The following SEPTIN6 variants were observed in gnomAD, a reference collection of about 807,000 sequenced individuals.
SEPTIN6 encodes septin-6.
In SEPTIN6, 8 loss-of-function variants were observed where a neutral mutation model predicts 33.6. The ratio of observed to expected loss-of-function variants is 0.24; its 90% CI spans 0.14 to 0.43. The LOEUF (loss-of-function observed/expected upper bound fraction) is 0.43. Ranked by LOEUF, SEPTIN6 falls within the 20% of genes least tolerant of loss-of-function variation. The probability of loss-of-function intolerance (pLI) is 1.00; values close to 1 mark genes in which losing one functional copy is unlikely to be tolerated. For synonymous variants in SEPTIN6, 131 were observed against 140.0 expected (o/e 0.94, Z 0.45); for missense variants, 250 against 340.8 (o/e 0.73, Z 2.10).
In SEPTIN6 at chrX:119,637,161, C is replaced by T. The variant is rs537231281; in HGVS notation, c.822G>A (p.Leu274=). Residue 274 remains leucine, a synonymous_variant, in exon 7 of 11, where the codon CTG becomes CTA. Transcript: ENST00000394610. ...ENEAHCDFVK[L]REMLIRVNME... is the part of the protein sequence containing the mutation. ...TGTTGACCCGAATCAGCATCTCCCG[C>T]AGCTTCACAAAGTCGCAGTGGGCCT... The T allele has an allele frequency of 4.1e-6, 5 of 1,211,940 alleles. No individual in the cohort carries two copies. The Admixed American group carries it at 1.1e-4, about 26-fold the overall frequency.
chrX:119,631,768 A>G (rs772669153), intron 8 of SEPTIN6, among the ~76,000 whole-genome samples: 9 of 100,928 alleles, frequency 8.9e-5, no homozygotes, highest in African/African-American at 3.2e-4. Context: ...ATTTGTAATT[A>G]TTTTTTTTTT....
intron 2 of SEPTIN6, among the ~76,000 whole-genome samples, chrX:119,671,701 A>G (rs940037012): frequency 1.1e-4 from 12 of 110,524 alleles, no homozygotes; most frequent in African/African-American, 3.9e-4. Context: ...TGGGAGGTTG[A>G]GGCTGCAGTA....
At chrX:119,629,281 A>C in intron 9 of SEPTIN6, 37 bp downstream of exon 9, 1 of 1,183,443 alleles carries the variant, frequency 8.4e-7, no homozygotes, top group Non-Finnish European at 1.1e-6. Context: ...AGCAGGAGGA[A>C]AGAGAAGGCA....
At chrX:119,645,532 G>A (rs1311405083) in intron 5 of SEPTIN6, among the ~76,000 whole-genome samples, 1 of 110,888 alleles carries the variant, frequency 9.0e-6, no homozygotes, top group Non-Finnish European at 1.9e-5. Context: ...TGAGTAGCTG[G>A]GATTATAGGC....
chrX:119,649,365 A>T (rs2054315712), intron 5 of SEPTIN6, among the ~76,000 whole-genome samples: 1 of 106,959 alleles, frequency 9.3e-6, no homozygotes, highest in African/African-American at 3.4e-5. Flanking sequence ...AAGTGCTAGG[A>T]TTACAGGCGT....
At position 119,654,992 on chromosome X, in the gene SEPTIN6, G is replaced by T. The variant is rs188298864; in HGVS notation, c.342-1952C>A. Among the ~76,000 whole-genome samples, 650 of 111,159 alleles carry T rather than the reference G, an allele frequency of 5.8e-3. 5 individuals carry two copies. The highest frequency in any genetic ancestry group is 0.02 in the African/African-American group (609 of 30,552). On this transcript the variant is annotated intron_variant, in intron 3 of 10. Transcript: ENST00000394610. ...GATGTTTTGCTGATTTGAAATAGTT[G>T]ATGATGGCACTGCTTCATTTTTTTT...
At chrX:119,620,526 A>C (rs1291056521) in intron 10 of SEPTIN6, among the ~76,000 whole-genome samples, 1 of 109,552 alleles carries the variant, frequency 9.1e-6, no homozygotes, top group Non-Finnish European at 1.9e-5. Context: ...TCACCGTGTT[A>C]GCCAGGATGG....
At chrX:119,641,271 G>A (rs1006779677) in intron 5 of SEPTIN6, among the ~76,000 whole-genome samples, 1 of 111,523 alleles carries the variant, frequency 9.0e-6, no homozygotes, top group East Asian at 2.8e-4. Context: ...AGCCAACTGA[G>A]CTGTACTCTC....
At chrX:119,648,833 T>C (rs1170440881) in intron 5 of SEPTIN6, among the ~76,000 whole-genome samples, 1 of 112,268 alleles carries the variant, frequency 8.9e-6, no homozygotes, top group East Asian at 2.8e-4. Context: ...CCAGGCATTA[T>C]GTCATTAGGA....
intron 9 of SEPTIN6, among the ~76,000 whole-genome samples, chrX:119,627,796 T>C (rs1157828880): frequency 4.6e-5 from 4 of 87,594 alleles, no homozygotes; most frequent in African/African-American, 1.7e-4. Context: ...CACTTCTTTT[T>C]TTTTTTTTTT....
At chrX:119,624,969 C>G (rs901672969) in intron 10 of SEPTIN6, among the ~76,000 whole-genome samples, 22 of 111,577 alleles carry the variant, frequency 2.0e-4, no homozygotes, top group African/African-American at 6.5e-4. Flanking sequence ...CCTCGGCCTA[C>G]CAAAGTGCTG....
chrX:119,670,879 G>C (rs1336125470), intron 2 of SEPTIN6, among the ~76,000 whole-genome samples: 1 of 107,509 alleles, frequency 9.3e-6, no homozygotes, highest in African/African-American at 3.4e-5. Flanking sequence ...TGGAGGTTTT[G>C]GTGCGCCAAG....
At chrX:119,665,100 C>CTTT (rs1393747587) in intron 2 of SEPTIN6, among the ~76,000 whole-genome samples, 1 of 103,239 alleles carries the variant, frequency 9.7e-6, no homozygotes, top group African/African-American at 3.7e-5. Flanking sequence ...TCTTCTTCTT[C>CTTT]TTCTTTTTTT....
intron 9 of SEPTIN6, chrX:119,629,110 C>A (rs1288724471): frequency 7.4e-6 from 3 of 407,737 alleles, no homozygotes; most frequent in Non-Finnish European, 1.3e-5. Context: ...TGGGACCACA[C>A]CCCTCTGCTA....
chrX:119,647,794 C>T (rs2054288372), intron 5 of SEPTIN6, among the ~76,000 whole-genome samples: 1 of 107,792 alleles, frequency 9.3e-6, no homozygotes. Flanking sequence ...GCTGGGATTA[C>T]AGGCATGCGC....
Position 119,619,972 on chromosome X carries a change from C to G in SEPTIN6, c.*121G>C. 1 of 1,200,075 alleles carries G rather than the reference C, an allele frequency of 8.3e-7. No homozygotes were observed. The highest frequency in any genetic ancestry group is 1.1e-6 in the Non-Finnish European group (1 of 891,375). On this transcript the variant is annotated 3_prime_UTR_variant, in exon 11 of 11. Transcript: ENST00000394610. ...GGCGCGGGTTGGATTGTATGCCCCC[C>G]AGGCATGTTAAGGGGGAAATTAGAG...
At chrX:119,640,168 CTTTTTTTTT>C (rs57021804) in intron 6 of SEPTIN6, among the ~76,000 whole-genome samples, 3 of 20,180 alleles carry the variant, frequency 1.5e-4, no homozygotes, top group African/African-American at 4.7e-4. Flanking sequence ...ACTATCCAGT[CTTTTTTTTT>C]TTTTTTTTTT....
chrX:119,663,747 A>G, intron 2 of SEPTIN6, 70 bp from the exon 3 acceptor site: 6 of 855,376 alleles, frequency 7.0e-6, no homozygotes, highest in Non-Finnish European at 9.9e-6. Flanking sequence ...ATCATGTTTC[A>G]TATACACATT....
Position 119,618,184 on chromosome X carries a change from T to TTC in SEPTIN6, c.*1908_*1909insGA. The TTC allele has an allele frequency of 2.5e-6, 2 of 791,708 alleles. No homozygotes were observed. Among genetic ancestry groups the TTC allele is most frequent in the Non-Finnish European group, 3.0e-6 (2 of 663,647 alleles). 65.2% of individuals were successfully genotyped at this position (791,708 alleles called of 1,213,427 possible). Reference sequence around the variant, plus strand: ...GAGCAGATTTTTTTTTTTTTTTTTTTGGTCGTTGGTTTGTTTCTACCTCCA... The same window carrying TTC: ...GAGCAGATTTTTTTTTTTTTTTTTTTTCGGTCGTTGGTTTGTTTCTACCTCCA... On this transcript the variant is annotated 3_prime_UTR_variant, in exon 11 of 11. Coordinates refer to ENST00000394610, the MANE Select transcript of SEPTIN6 (RefSeq NM_145799.4).
Sources: allele counts gnomAD v4.1 joint callset (sites outside exome capture counted in the v4.1 genomes callset), GRCh38; gene constraint gnomAD v4.1.1; transcripts MANE v1.5; gene names NCBI Gene and HGNC (gene_info 2026-07-23, HGNC 2026-07-21).